The following APBB2 variants were observed in gnomAD, a reference collection of about 807,000 sequenced individuals.
APBB2 encodes amyloid beta precursor protein binding family B member 2.
APBB2 carries 38 observed loss-of-function variants against 82.5 expected under a neutral mutation model. That is an observed-to-expected ratio of 0.46 (90% CI 0.36 to 0.60). The LOEUF is 0.60. Ranked by LOEUF, APBB2 falls within the 20% of genes least tolerant of loss-of-function variation. The pLI, the probability that APBB2 is intolerant of heterozygous loss-of-function variation, is 0.00. For synonymous variants in APBB2, 341 were observed against 368.2 expected, an observed-to-expected ratio of 0.93 and a Z score of 0.85; for missense variants, 772 against 972.3, an observed-to-expected ratio of 0.79 and a Z score of 2.74.
At chr4:41,034,381 A>G (rs1718312632) in intron 4 of APBB2, among the ~76,000 whole-genome samples, 1 of 152,170 alleles carries the variant, frequency 6.6e-6, no homozygotes, top group Non-Finnish European at 1.5e-5. Context: ...CTGGAGGGCA[A>G]TAGCGCAATC....
At chr4:41,024,227 A>G (rs577330875) in intron 5 of APBB2, among the ~76,000 whole-genome samples, 1 of 152,344 alleles carries the variant, frequency 6.6e-6, no homozygotes, top group South Asian at 2.1e-4. Context: ...AACTATAAAA[A>G]GCCTGGAAGA....
chr4:40,877,095 A>C (rs116584714), intron 12 of APBB2, among the ~76,000 whole-genome samples: 3 of 152,276 alleles, frequency 2.0e-5, no homozygotes, highest in Non-Finnish European at 2.9e-5. Flanking sequence ...GTGGCTCAGC[A>C]TAAGTCCAGT....
chr4:41,178,862 T>C (rs1034914831), intron 1 of APBB2, among the ~76,000 whole-genome samples: 1 of 152,222 alleles, frequency 6.6e-6, no homozygotes, highest in Non-Finnish European at 1.5e-5. Flanking sequence ...TTAAATCCAA[T>C]ACAAATACTT....
At chr4:41,072,021 AC>A (rs5857773) in intron 3 of APBB2, among the ~76,000 whole-genome samples, 46,023 of 152,016 alleles carry the variant, frequency 0.3, 8,260 homozygotes, top group African/African-American at 0.5. Flanking sequence ...GGGAGTTACT[AC>A]TAAAGCACAG....
intron 2 of APBB2, among the ~76,000 whole-genome samples, chr4:41,135,871 A>G (rs940445034): frequency 6.6e-6 from 1 of 152,162 alleles, no homozygotes; most frequent in Non-Finnish European, 1.5e-5. Flanking sequence ...GGGTCTTGCT[A>G]TGTTGCCCAT....
intron 2 of APBB2, among the ~76,000 whole-genome samples, chr4:41,116,018 T>C (rs1005006680): frequency 6.6e-6 from 1 of 152,230 alleles, no homozygotes; most frequent in Non-Finnish European, 1.5e-5. Context: ...TACACACGTA[T>C]GTTTATTGCA....
rs1419516058 is a variant in APBB2 at position 40,935,161 on chromosome 4, T to C, written c.1045-22A>G. On this transcript the variant is annotated intron_variant, in intron 7 of 17. Transcript: ENST00000508593. ...GTTTCTAGACATATAATTATTCACA[T>C]AGGAAAAAAGCACATTGATTTAAAG... 6 of 1,445,980 alleles carry C rather than the reference T, an allele frequency of 4.1e-6. No individual in the cohort carries two copies. In the Admixed American group the frequency reaches 7.1e-5, roughly 17 times the overall value. The allele number at this position is 1,445,980 out of a possible 1,614,324, so 89.6% of individuals were successfully genotyped here. A position where few individuals can be genotyped will look rare whatever the true frequency, so the allele number is the denominator to read the frequency against.
chr4:40,919,589 G>T (rs1780732955), intron 10 of APBB2, among the ~76,000 whole-genome samples: 1 of 152,192 alleles, frequency 6.6e-6, no homozygotes, highest in African/African-American at 2.4e-5. Context: ...CCTTAGAAAT[G>T]GTACACACTT....
intron 2 of APBB2, among the ~76,000 whole-genome samples, chr4:41,111,983 T>C (rs1749346701): frequency 6.6e-6 from 1 of 152,190 alleles, no homozygotes; most frequent in African/African-American, 2.4e-5. Flanking sequence ...ACTGGAGCTC[T>C]TCCAAGTGGG....
intron 12 of APBB2, among the ~76,000 whole-genome samples, chr4:40,841,271 G>A (rs10517551): frequency 0.12 from 18,538 of 152,122 alleles, 1,241 homozygotes; most frequent in Non-Finnish European, 0.15. Context: ...CACCAACTCC[G>A]ACACAAAGAG....
intron 3 of APBB2, among the ~76,000 whole-genome samples, chr4:41,088,901 T>C (rs576898223): frequency 1.5e-4 from 23 of 152,186 alleles, no homozygotes; most frequent in Admixed American, 1.4e-3. Context: ...GGGTGTGCAA[T>C]GAAAATGGGA....
At chr4:40,847,873 C>G (rs1246692037) in intron 12 of APBB2, among the ~76,000 whole-genome samples, 1 of 151,722 alleles carries the variant, frequency 6.6e-6, no homozygotes, top group Non-Finnish European at 1.5e-5. Context: ...GTAGCACGAT[C>G]ATAGCTTACT....
intron 10 of APBB2, among the ~76,000 whole-genome samples, chr4:40,902,881 C>T (rs955540460): frequency 2.0e-5 from 3 of 152,168 alleles, no homozygotes; most frequent in Non-Finnish European, 4.4e-5. Context: ...TGGCTCATGC[C>T]TGTAATCCCA....
At chr4:40,907,348 CA>C (rs1777099827) in intron 10 of APBB2, among the ~76,000 whole-genome samples, 16 of 97,312 alleles carry the variant, frequency 1.6e-4, no homozygotes, top group African/African-American at 6.5e-4. Flanking sequence ...TAATATATTA[CA>C]TATATATATA....
intron 6 of APBB2, among the ~76,000 whole-genome samples, chr4:40,950,183 A>G (rs1789707737): frequency 6.6e-6 from 1 of 152,244 alleles, no homozygotes; most frequent in South Asian, 2.1e-4. Flanking sequence ...AAGTATTACA[A>G]TACCAATTGT....
At chr4:41,163,116 A>C (rs1012446920) in intron 1 of APBB2, among the ~76,000 whole-genome samples, 1 of 152,234 alleles carries the variant, frequency 6.6e-6, no homozygotes, top group Non-Finnish European at 1.5e-5. Context: ...GTTTGGGCCC[A>C]GATGGAGCAA....
chr4:40,817,386 G>C (rs1746123084), intron 17 of APBB2, among the ~76,000 whole-genome samples: 1 of 152,100 alleles, frequency 6.6e-6, no homozygotes, highest in African/African-American at 2.4e-5. Flanking sequence ...TCCAGCCTGG[G>C]CGACGGAGTG....
intron 6 of APBB2, among the ~76,000 whole-genome samples, chr4:40,971,047 C>T (rs1374520096): frequency 1.3e-5 from 2 of 152,194 alleles, no homozygotes; most frequent in Non-Finnish European, 2.9e-5. Context: ...TTCATACATA[C>T]TTGTAACCTT....
intron 12 of APBB2, among the ~76,000 whole-genome samples, chr4:40,852,497 C>T (rs2154327326): frequency 6.6e-6 from 1 of 152,100 alleles, no homozygotes; most frequent in Middle Eastern, 3.4e-3. Context: ...AAGAAAAATG[C>T]TCAAAGGTCT....
Sources: allele counts gnomAD v4.1 joint callset (sites outside exome capture counted in the v4.1 genomes callset), GRCh38; gene constraint gnomAD v4.1.1; transcripts MANE v1.5; gene names NCBI Gene and HGNC (gene_info 2026-07-23, HGNC 2026-07-21).